Variants in MBD5 observed in about 807,000 individuals in gnomAD.
MBD5 encodes the protein methyl-CpG-binding domain protein 5.
MBD5 carries 13 observed loss-of-function variants against 117.3 expected under a neutral mutation model. The observed-to-expected ratio is 0.11, with a 90% CI of 0.07 to 0.18. The LOEUF (loss-of-function observed/expected upper bound fraction) is 0.18, where lower values mean the gene tolerates loss of function less well. MBD5 is among the 10% of genes least tolerant of loss of function. MBD5 has a pLI of 1.00. For missense variants in MBD5, 1,879 were observed against 2,093.8 expected (o/e 0.90, Z 2.00); for synonymous variants, 727 against 766.4 (o/e 0.95, Z 0.85).
At chr2:148,251,771 T>G (rs1395142931) in intron 3 of MBD5, among the ~76,000 whole-genome samples, 1 of 152,166 alleles carries the variant, frequency 6.6e-6, no homozygotes, top group East Asian at 1.9e-4. Flanking sequence ...CAACAATTAA[T>G]GCAATTGTTG....
chr2:148,447,109 GAGAA>G (rs202133065), intron 4 of MBD5, among the ~76,000 whole-genome samples: 422 of 146,644 alleles, frequency 2.9e-3, no homozygotes, highest in African/African-American at 9.4e-3. Flanking sequence ...GGATAGGAAG[GAGAA>G]AGAAAGAAAG....
At chr2:148,412,272 T>G (rs866702339) in intron 4 of MBD5, among the ~76,000 whole-genome samples, 83 of 144,588 alleles carry the variant, frequency 5.7e-4, no homozygotes, top group African/African-American at 9.4e-4. Context: ...AGTATACTTT[T>G]TGTGTGTGTG....
chr2:148,147,777 G>A (rs991258206), intron 1 of MBD5, among the ~76,000 whole-genome samples: 2 of 152,054 alleles, frequency 1.3e-5, no homozygotes, highest in East Asian at 1.9e-4. Context: ...CTTTGTGAAG[G>A]GCCTGTGTGT....
intron 4 of MBD5, among the ~76,000 whole-genome samples, chr2:148,411,369 G>A (rs148584207): frequency 5.7e-4 from 86 of 152,202 alleles, no homozygotes; most frequent in Non-Finnish European, 9.3e-4. Flanking sequence ...ACCCAAAAAT[G>A]GGATCACTGG....
At chr2:148,148,459 A>G (rs1260136300) in intron 1 of MBD5, among the ~76,000 whole-genome samples, 4 of 152,210 alleles carry the variant, frequency 2.6e-5, no homozygotes, top group African/African-American at 7.2e-5. Context: ...TTGAATAAAT[A>G]TTCTTTGGAT....
chr2:148,141,612 A>G (rs1228984632), intron 1 of MBD5, among the ~76,000 whole-genome samples: 1 of 152,126 alleles, frequency 6.6e-6, no homozygotes, highest in African/African-American at 2.4e-5. Flanking sequence ...AGAGCTTTGA[A>G]ATACAAAATA....
At chr2:148,270,301 A>G (rs1700953099) in intron 3 of MBD5, among the ~76,000 whole-genome samples, 1 of 152,048 alleles carries the variant, frequency 6.6e-6, no homozygotes, top group Non-Finnish European at 1.5e-5. Context: ...GATTTTTCTG[A>G]TAGAGAGCAT....
At chr2:148,507,015 T>C (rs1682053354) in intron 12 of MBD5, among the ~76,000 whole-genome samples, 1 of 152,226 alleles carries the variant, frequency 6.6e-6, no homozygotes, top group African/African-American at 2.4e-5. Flanking sequence ...TCATGATATA[T>C]ACAAATAATT....
At chr2:148,482,091 GCACTGTCTTC>G (rs1416098353) in intron 8 of MBD5, among the ~76,000 whole-genome samples, 1 of 152,122 alleles carries the variant, frequency 6.6e-6, no homozygotes, top group African/African-American at 2.4e-5. Context: ...AGAGAAATGA[GCACTGTCTTC>G]CACTGCTTAT....
intron 2 of MBD5, among the ~76,000 whole-genome samples, chr2:148,229,694 T>A (rs1699934600): frequency 6.6e-6 from 1 of 152,220 alleles, no homozygotes; most frequent in Non-Finnish European, 1.5e-5. Flanking sequence ...AGTGTTGTGA[T>A]CTAAGCTGTA....
At chr2:148,360,475 G>A (rs1277759650) in intron 4 of MBD5, among the ~76,000 whole-genome samples, 4 of 152,136 alleles carry the variant, frequency 2.6e-5, no homozygotes, top group Non-Finnish European at 5.9e-5. Context: ...CATAATAGAT[G>A]AGAAGTTCCT....
At chr2:148,269,600 G>A (rs1022557864) in intron 3 of MBD5, among the ~76,000 whole-genome samples, 2 of 150,004 alleles carry the variant, frequency 1.3e-5, no homozygotes, top group African/African-American at 4.9e-5. Context: ...CTTTCTGGAA[G>A]CCTTTAAGAT....
At chr2:148,032,061 G>A (rs1694053346) in intron 1 of MBD5, among the ~76,000 whole-genome samples, 1 of 152,074 alleles carries the variant, frequency 6.6e-6, no homozygotes, top group African/African-American at 2.4e-5. Context: ...AGTTTAAAGA[G>A]TTCTAATATG....
intron 1 of MBD5, among the ~76,000 whole-genome samples, chr2:148,141,202 A>G (rs1446512296): frequency 2.6e-5 from 4 of 152,180 alleles, no homozygotes; most frequent in Non-Finnish European, 5.9e-5. Context: ...TGGAAAACCT[A>G]CTCAATGTAA....
At chr2:148,358,862 C>G (rs1259865635) in intron 4 of MBD5, among the ~76,000 whole-genome samples, 1 of 152,104 alleles carries the variant, frequency 6.6e-6, no homozygotes, top group African/African-American at 2.4e-5. Flanking sequence ...CAGAAATAAT[C>G]TAATCTCTAC....
rs1680731400 is a variant in MBD5 at position 148,469,812 on chromosome 2, G to A, written c.1869G>A (p.Met623Ile). The A allele has an allele frequency of 1.2e-6, 2 of 1,613,912 alleles. No homozygotes were observed. Among genetic ancestry groups the A allele is most frequent in the Non-Finnish European group, 1.7e-6 (2 of 1,179,880 alleles). ...AAGGACATAGCACTTTAAACACCAT[G>A]TTCCCTCCTACTGCCAACATGCTTC... Reference protein sequence around the residue: ...NTEGHSTLNTMFPPTANMLLP... With the variant: ...NTEGHSTLNTIFPPTANMLLP... Residue 623 changes from methionine (M) to isoleucine (I), a missense_variant, in exon 8 of 14, where the codon ATG becomes ATA. Transcript: ENST00000642680.
chr2:148,138,081 CA>C lies in MBD5; in HGVS notation c.-924-40616del, dbSNP rs1322282170. 2.0e-5 allele frequency among the ~76,000 whole-genome samples: 3 copies of C among 152,186 alleles called. No homozygotes were observed. In the East Asian group the frequency reaches 5.8e-4, roughly 29 times the overall value. ...AATTATGTCTTAGATAAAAAAGAAACAAATTTCAGGTAACAACAAGGACAAA... is the reference window on the plus strand; with the variant it reads ...AATTATGTCTTAGATAAAAAAGAAACAATTTCAGGTAACAACAAGGACAAA... On this transcript the variant is annotated intron_variant, in intron 1 of 13. Coordinates refer to ENST00000642680, the MANE Select transcript of MBD5 (RefSeq NM_001378120.1).
At chr2:148,031,349 A>G (rs1015809790) in intron 1 of MBD5, among the ~76,000 whole-genome samples, 2 of 149,862 alleles carry the variant, frequency 1.3e-5, no homozygotes, top group South Asian at 2.1e-4. Context: ...TAAAAAAAAA[A>G]GCAATTAGAA....
At chr2:148,139,655 C>T (rs1363647878) in intron 1 of MBD5, among the ~76,000 whole-genome samples, 1 of 152,146 alleles carries the variant, frequency 6.6e-6, no homozygotes, top group African/African-American at 2.4e-5. Context: ...TCCACTCTCC[C>T]CAGACAACAA....
Sources: gnomAD v4.1 joint callset for allele counts (sites outside exome capture counted in the v4.1 genomes callset) on GRCh38, gnomAD v4.1.1 for gene constraint, MANE v1.5 for transcripts, NCBI Gene and HGNC (gene_info 2026-07-23, HGNC 2026-07-21) for gene names.